The following CHN2 variants were observed in gnomAD, a reference collection of about 807,000 sequenced individuals.
CHN2 encodes beta-chimaerin.
CHN2 carries 35 observed loss-of-function variants against 56.3 expected under a neutral mutation model. That is an observed-to-expected ratio of 0.62 (90% CI 0.47 to 0.82). The LOEUF (loss-of-function observed/expected upper bound fraction) is 0.82. Among genes scored for constraint, CHN2 ranks in the 40% least tolerant of loss-of-function variants. The probability of loss-of-function intolerance (pLI) is 0.00; values close to 1 mark genes in which losing one functional copy is unlikely to be tolerated. For missense variants in CHN2, 491 were observed against 580.5 expected, an observed-to-expected ratio of 0.85 and a Z score of 1.58; for synonymous variants, 210 against 212.8, an observed-to-expected ratio of 0.99 and a Z score of 0.12.
At chr7:29,293,375 C>CCG (rs1792831868) in intron 1 of CHN2, among the ~76,000 whole-genome samples, 2 of 122,820 alleles carry the variant, frequency 1.6e-5, no homozygotes, top group South Asian at 3.6e-4. Context: ...CCCCCCCCCC[C>CCG]CCATATTAAC....
At chr7:29,398,634 T>C in intron 5 of CHN2, 148 bp downstream of exon 5, 1 of 614,124 alleles carries the variant, frequency 1.6e-6, no homozygotes, top group Non-Finnish European at 2.9e-6. Flanking sequence ...TCCCACTCTC[T>C]CACCCAGGCT....
intron 1 of CHN2, among the ~76,000 whole-genome samples, chr7:29,248,547 G>C (rs983930535): frequency 2.0e-5 from 3 of 152,194 alleles, no homozygotes; most frequent in African/African-American, 7.2e-5. Flanking sequence ...GCCACTGCCA[G>C]GTGTCATTCC....
chr7:29,157,411 A>G (rs1344612901), intron 2 of CHN2, among the ~76,000 whole-genome samples: 1 of 151,578 alleles, frequency 6.6e-6, no homozygotes, highest in Non-Finnish European at 1.5e-5. Context: ...CTATATTTAG[A>G]ACTTCTCTAG....
At chr7:29,318,307 A>C (rs1795103220) in intron 1 of CHN2, among the ~76,000 whole-genome samples, 1 of 152,232 alleles carries the variant, frequency 6.6e-6, no homozygotes, top group Non-Finnish European at 1.5e-5. Flanking sequence ...TAATTGGCCT[A>C]CATATTGTCT....
At chr7:29,302,053 T>C (rs976204045) in intron 1 of CHN2, among the ~76,000 whole-genome samples, 12 of 152,312 alleles carry the variant, frequency 7.9e-5, no homozygotes, top group African/African-American at 2.9e-4. Flanking sequence ...CAGGACCTAA[T>C]GTCACAGGCT....
chr7:29,412,318 G>GTTTTTTT (rs1163888411), intron 6 of CHN2, among the ~76,000 whole-genome samples: 2 of 108,290 alleles, frequency 1.8e-5, no homozygotes, highest in African/African-American at 8.3e-5. Flanking sequence ...CTGCTAAAGA[G>GTTTTTTT]TCTTTTTTTT....
intron 1 of CHN2, among the ~76,000 whole-genome samples, chr7:29,270,966 G>A (rs1221555332): frequency 1.3e-5 from 2 of 152,006 alleles, no homozygotes; most frequent in African/African-American, 2.4e-5. Context: ...ATTAATTAAT[G>A]GGCTTTTGAT....
chr7:29,299,135 G>C (rs1045598259), intron 1 of CHN2, among the ~76,000 whole-genome samples: 1 of 152,180 alleles, frequency 6.6e-6, no homozygotes, highest in Non-Finnish European at 1.5e-5. Context: ...GAACAGAAGA[G>C]GCCAGGCTCC....
At chr7:29,337,383 C>T (rs1330983254) in intron 1 of CHN2, among the ~76,000 whole-genome samples, 1 of 152,092 alleles carries the variant, frequency 6.6e-6, no homozygotes, top group Non-Finnish European at 1.5e-5. Flanking sequence ...GACAAATGTC[C>T]CACTGTGCAA....
intron 1 of CHN2, among the ~76,000 whole-genome samples, chr7:29,346,388 C>G (rs1283273123): frequency 6.6e-6 from 1 of 152,218 alleles, no homozygotes; most frequent in Non-Finnish European, 1.5e-5. Flanking sequence ...AATCACCCAA[C>G]AAATTCTGAA....
chr7:29,272,946 T>G (rs190660832), intron 1 of CHN2, among the ~76,000 whole-genome samples: 1 of 152,290 alleles, frequency 6.6e-6, no homozygotes, highest in East Asian at 1.9e-4. Flanking sequence ...GCTAAAAATC[T>G]AAGTGTGACT....
chr7:29,449,447 A>G (rs1248150508), intron 6 of CHN2, among the ~76,000 whole-genome samples: 3 of 152,370 alleles, frequency 2.0e-5, no homozygotes, highest in East Asian at 3.9e-4. Context: ...ATAAAGTATT[A>G]TTGGAATACA....
intron 1 of CHN2, among the ~76,000 whole-genome samples, chr7:29,272,214 C>T (rs1390622381): frequency 6.6e-6 from 1 of 152,154 alleles, no homozygotes; most frequent in Non-Finnish European, 1.5e-5. Flanking sequence ...AGCCCAGGCT[C>T]AGGATAGCAT....
intron 1 of CHN2, among the ~76,000 whole-genome samples, chr7:29,312,333 C>A (rs1008144132): frequency 6.6e-6 from 1 of 152,132 alleles, no homozygotes; most frequent in Non-Finnish European, 1.5e-5. Context: ...TCTTAATTTC[C>A]GTTCCCCTGA....
At chr7:29,408,844 T>C (rs1317608479) in intron 6 of CHN2, among the ~76,000 whole-genome samples, 5 of 152,200 alleles carry the variant, frequency 3.3e-5, no homozygotes. Flanking sequence ...AGGGATATGA[T>C]GGGCCAAACG....
intron 6 of CHN2, among the ~76,000 whole-genome samples, chr7:29,477,066 TAAAA>T (rs1405224422): frequency 6.6e-6 from 1 of 152,098 alleles, no homozygotes; most frequent in Non-Finnish European, 1.5e-5. Context: ...GGAGCTGAGA[TAAAA>T]AAGAGCTCTG....
intron 1 of CHN2, among the ~76,000 whole-genome samples, chr7:29,332,464 C>T (rs960552367): frequency 1.3e-5 from 2 of 152,134 alleles, no homozygotes; most frequent in African/African-American, 4.8e-5. Flanking sequence ...TCAGTAGGAA[C>T]CGTACTATGA....
At position 29,512,662 on chromosome 7, in the gene CHN2, C is replaced by T. The variant is rs751937242; in HGVS notation, c.1334C>T (p.Thr445Ile). 1 of 1,614,030 alleles carries T rather than the reference C, an allele frequency of 6.2e-7. No individual in the cohort carries two copies. Among genetic ancestry groups the T allele is most frequent in the Admixed American group, 1.7e-5 (1 of 60,012 alleles). ...LMRPPEDSTL[T>I]TLHDMRYQKL... ...AGGCCCCCTGAGGACAGCACCCTGA[C>T]CACCCTGCATGATATGCGGTACCAA... The change falls in exon 13 of 13, where the codon ACC becomes ATC. Residue 445 changes from threonine to isoleucine, a missense_variant. Thr to Ile is a moderately conservative substitution (Grantham distance 89). Transcript: ENST00000222792.
At chr7:29,208,173 C>T (rs182056423) in intron 1 of CHN2, among the ~76,000 whole-genome samples, 5 of 152,248 alleles carry the variant, frequency 3.3e-5, no homozygotes, top group South Asian at 2.1e-4. Context: ...TAAAGACAGA[C>T]GTCTTTGGGG....
Sources: allele counts gnomAD v4.1 joint callset (sites outside exome capture counted in the v4.1 genomes callset), GRCh38; gene constraint gnomAD v4.1.1; transcripts MANE v1.5; gene names NCBI Gene and HGNC (gene_info 2026-07-23, HGNC 2026-07-21).